The following DNM1 variants were observed in gnomAD, a reference collection of about 807,000 sequenced individuals.
DNM1 encodes dynamin 1.
DNM1 carries 29 observed loss-of-function variants against 104.6 expected under a neutral mutation model. The observed-to-expected ratio is 0.28, with a 90% CI of 0.21 to 0.38. The LOEUF (loss-of-function observed/expected upper bound fraction) is 0.38, where lower values mean the gene tolerates loss of function less well. DNM1 is among the 10% of genes least tolerant of loss of function. The pLI is 1.00. For missense variants in DNM1, 640 were observed against 1,189.4 expected, an observed-to-expected ratio of 0.54 and a Z score of 6.79; for synonymous variants, 445 against 475.8, an observed-to-expected ratio of 0.94 and a Z score of 0.84.
Position 128,254,303 on chromosome 9 carries a change from A to C in DNM1, c.2535-351A>C. 1 of 1,387,578 alleles carries C rather than the reference A, an allele frequency of 7.2e-7. No homozygotes were observed. Among genetic ancestry groups the C allele is most frequent in the Non-Finnish European group, 9.3e-7 (1 of 1,081,016 alleles). The allele number at this position is 1,387,578 out of a possible 1,614,324, so 86.0% of individuals were successfully genotyped here. A position where few individuals can be genotyped will look rare whatever the true frequency, so the allele number is the denominator to read the frequency against. On this transcript the variant is annotated intron_variant, in intron 21 of 21. Transcript: ENST00000372923. This position sits in a 1 kb window ranked among gnomAD's most constrained non-coding sequence, Gnocchi z 6.1. ...GGGTGGCCCCAGGCCAGTGGGTTGG[A>C]AGACAGGGTGACCAGAGAAGAGGGA...
At chr9:128,241,248 C>T (rs548321085) in intron 14 of DNM1, among the ~76,000 whole-genome samples, 1 of 152,242 alleles carries the variant, frequency 6.6e-6, no homozygotes, top group East Asian at 1.9e-4. Context: ...GGGAGGTCAG[C>T]GTCCAGGAGG....
In DNM1 at chr9:128,243,938, T is replaced by C. The variant is rs76196213; in HGVS notation, c.1671+1593T>C. On this transcript the variant is annotated intron_variant, in intron 15 of 21. Coordinates refer to ENST00000372923, the MANE Select transcript of DNM1 (RefSeq NM_004408.4). The surrounding 1 kb of genome is among the most constrained non-coding windows in gnomAD (Gnocchi z 4.0). Reference sequence around the variant, plus strand: ...GCTGTGGGTGCTGGGAGGCGGGGTGTGTTTGTGTGTGTGTGTGTGTGTGTG... The same window carrying C: ...GCTGTGGGTGCTGGGAGGCGGGGTGCGTTTGTGTGTGTGTGTGTGTGTGTG... Among the ~76,000 whole-genome samples the C allele has an allele frequency of 6.9e-6, 1 of 144,954 alleles. No homozygotes were observed. Among genetic ancestry groups the C allele is most frequent in the Non-Finnish European group, 1.5e-5 (1 of 66,282 alleles).
chr9:128,247,183 A>T lies in DNM1; in HGVS notation c.1782-192A>T, dbSNP rs995437502. 2.6e-5 allele frequency: 13 copies of T among 508,138 alleles called. No individual in the cohort carries two copies. The highest frequency in any genetic ancestry group is 2.5e-4 in the African/African-American group (13 of 52,402). 31.5% of individuals were successfully genotyped at this position (508,138 alleles called of 1,614,324 possible). A position where few individuals can be genotyped will look rare whatever the true frequency, so the allele number is the denominator to read the frequency against. ...TCACTGAATCCTCAGTGACCCAAGG[A>T]GGCAGGAATTATTATTAACCCATCT... On this transcript the variant is annotated intron_variant, in intron 16 of 21. Coordinates refer to ENST00000372923, the MANE Select transcript of DNM1 (RefSeq NM_004408.4). This position sits in a 1 kb window ranked among gnomAD's most constrained non-coding sequence, Gnocchi z 5.1.
Position 128,250,365 on chromosome 9 carries a change from G to A in DNM1, c.2318+9G>A. 1 of 1,567,806 alleles carries A rather than the reference G, an allele frequency of 6.4e-7. No individual in the cohort carries two copies. Among genetic ancestry groups the A allele is most frequent in the Non-Finnish European group, 8.6e-7 (1 of 1,158,730 alleles). ...GTACCGGCCGGACGCAGGTACCAGG[G>A]CCGGCCCCCACGGCCCCAAAGCCCC... is the stretch of plus-strand genomic sequence containing the variant. On this transcript the variant is annotated intron_variant, in intron 20 of 21. Transcript: ENST00000372923.
At position 128,222,889 on chromosome 9, in the gene DNM1, G is replaced by A; in HGVS notation, c.1196+29G>A. ...CGTATTGGGGCCTGGGAGGGTGGCT[G>A]AACCCCAGAAGTAGGGGGTCTGGGA... On this transcript the variant is annotated intron_variant, in intron 9 of 21. Coordinates refer to ENST00000372923, the MANE Select transcript of DNM1 (RefSeq NM_004408.4). The surrounding 1 kb of genome is among the most constrained non-coding windows in gnomAD (Gnocchi z 7.8). 3 of 1,609,464 alleles carry A rather than the reference G, an allele frequency of 1.9e-6. No individual in the cohort carries two copies. The highest frequency in any genetic ancestry group is 2.6e-6 in the Non-Finnish European group (3 of 1,176,274).
chr9:128,253,932 C>G lies in DNM1; in HGVS notation c.2535-722C>G. 3 of 1,232,954 alleles carry G rather than the reference C, an allele frequency of 2.4e-6. No individual in the cohort carries two copies. Among genetic ancestry groups the G allele is most frequent in the Non-Finnish European group, 3.0e-6 (3 of 988,678 alleles). 76.4% of individuals were successfully genotyped at this position (1,232,954 alleles called of 1,614,324 possible). A position where few individuals can be genotyped will look rare whatever the true frequency, so the allele number is the denominator to read the frequency against. ...CCAAGGGGACGACCGTGCCTGCTGGCCCAGCTGAGCTCCGCCCAGTGAGCC... is the reference window on the plus strand; with the variant it reads ...CCAAGGGGACGACCGTGCCTGCTGGGCCAGCTGAGCTCCGCCCAGTGAGCC... On this transcript the variant is annotated intron_variant, in intron 21 of 21. Transcript: ENST00000372923. The surrounding 1 kb of genome is among the most constrained non-coding windows in gnomAD (Gnocchi z 5.9).
Position 128,240,435 on chromosome 9 carries a change from G to A in DNM1, c.1557+439G>A, listed in dbSNP as rs80050751. The A allele has an allele frequency of 3.5e-3, 635 of 182,370 alleles. 2 individuals carry two copies. Among genetic ancestry groups the A allele is most frequent in the African/African-American group, 0.014 (609 of 42,016 alleles). The allele number at this position is 182,370 out of a possible 1,614,324, so 11.3% of individuals were successfully genotyped here. ...CTGCTCTCTGTCCTTAGATGTCTGC[G>A]GAAACATCCCTCGTCAGAAGCGCTT... On this transcript the variant is annotated intron_variant, in intron 14 of 21. Coordinates refer to ENST00000372923, the MANE Select transcript of DNM1 (RefSeq NM_004408.4). The surrounding 1 kb of genome is among the most constrained non-coding windows in gnomAD (Gnocchi z 5.1).
Position 128,254,558 on chromosome 9 carries a change from GGCGCGGCCGGCC to G in DNM1, c.2535-95_2535-84del, listed in dbSNP as rs1458716130. ...TCCCCGGCCCTCCCACCACTGCTGC[GGCGCGGCCGGCC>G]CCGGCCGTGTGCTGCGCTTGCCTTA... On this transcript the variant is annotated intron_variant, in intron 21 of 21. Coordinates refer to ENST00000372923, the MANE Select transcript of DNM1 (RefSeq NM_004408.4). This position sits in a 1 kb window ranked among gnomAD's most constrained non-coding sequence, Gnocchi z 6.1. 1.9e-6 allele frequency: 3 copies of G among 1,547,268 alleles called. No homozygotes were observed. In the African/African-American group the frequency reaches 4.1e-5, roughly 21 times the overall value.
At chr9:128,252,988 G>C in intron 21 of DNM1, 1 of 983,226 alleles carries the variant, frequency 1.0e-6, no homozygotes, top group Non-Finnish European at 1.6e-6. Context: ...GGGCCATGGG[G>C]CCTCACAGCA....
chr9:128,219,187 C>G lies in DNM1; in HGVS notation c.524C>G (p.Ser175Cys). 1 of 1,614,174 alleles carries G rather than the reference C, an allele frequency of 6.2e-7. No homozygotes were observed. The highest frequency in any genetic ancestry group is 8.5e-7 in the Non-Finnish European group (1 of 1,180,042). ...TKENCLILAV[S>C]PANSDLANSD... Reference sequence around the variant, plus strand: ...GAGAACTGCCTCATCCTGGCCGTGTCCCCCGCCAACTCTGACCTGGCCAAT... The same window carrying G: ...GAGAACTGCCTCATCCTGGCCGTGTGCCCCGCCAACTCTGACCTGGCCAAT... The change falls in exon 4 of 22, where the codon TCC becomes TGC. Residue 175 changes from serine (S) to cysteine (C), a missense_variant. By Grantham distance (112) the Ser-to-Cys change is moderately radical. Coordinates refer to ENST00000372923, the MANE Select transcript of DNM1 (RefSeq NM_004408.4).
chr9:128,227,608 C>A (rs1053757064), intron 10 of DNM1, among the ~76,000 whole-genome samples: 1 of 152,064 alleles, frequency 6.6e-6, no homozygotes, highest in African/African-American at 2.4e-5. Flanking sequence ...TCTTGAACTC[C>A]TGACCTCAGG....
At position 128,220,272 on chromosome 9, in the gene DNM1, C is replaced by G. The variant is rs749030612; in HGVS notation, c.780C>G (p.Leu260=). The G allele has an allele frequency of 1.9e-6, 3 of 1,614,122 alleles. No individual in the cohort carries two copies. Among genetic ancestry groups the G allele is most frequent in the Non-Finnish European group, 2.5e-6 (3 of 1,180,050 alleles). ...TGGCTGCTGAACGAAAGTTCTTCCT[C>G]TCCCATCCATCTTATCGCCACTTGG... ...AALAAERKFF[L]SHPSYRHLAD... Residue 260 remains leucine, a synonymous_variant, in exon 6 of 22, where the codon CTC becomes CTG. Transcript: ENST00000372923. This position sits in a 1 kb window ranked among gnomAD's most constrained non-coding sequence, Gnocchi z 5.2.
At chr9:128,233,615 C>T (rs565059237) in intron 10 of DNM1, 163 of 181,438 alleles carry the variant, frequency 9.0e-4, no homozygotes, top group Non-Finnish European at 1.5e-3. Context: ...TGTCCCTCCA[C>T]GCCTTTAGGA....
At chr9:128,251,249 A>C in intron 21 of DNM1, 3 of 561,710 alleles carry the variant, frequency 5.3e-6, no homozygotes, top group Non-Finnish European at 6.7e-6. Context: ...GGCCGCCCAC[A>C]CGTTGCATTC....
intron 1 of DNM1, among the ~76,000 whole-genome samples, chr9:128,207,963 G>T (rs1040814861): frequency 6.6e-6 from 1 of 152,046 alleles, no homozygotes; most frequent in Non-Finnish European, 1.5e-5. Flanking sequence ...CTGGGAGGAA[G>T]GGTTTTAGGT....
Position 128,248,553 on chromosome 9 carries a change from C to T in DNM1, c.1906-30C>T, listed in dbSNP as rs1348557118. On this transcript the variant is annotated intron_variant, in intron 18 of 21. Transcript: ENST00000372923. This position sits in a 1 kb window ranked among gnomAD's most constrained non-coding sequence, Gnocchi z 5.6. The stretch of plus-strand genomic sequence containing the variant: ...CTGGAGCCTGGCTGCATGGCCTGGC[C>T]ACCTGATGCCCTTGTGTTCTCCATG... The T allele has an allele frequency of 6.9e-6, 11 of 1,601,732 alleles. No individual in the cohort carries two copies. Among genetic ancestry groups the T allele is most frequent in the Middle Eastern group, 1.7e-4 (1 of 6,032 alleles).
intron 6 of DNM1, among the ~76,000 whole-genome samples, chr9:128,221,631 C>G (rs547498502): frequency 5.9e-5 from 9 of 152,266 alleles, no homozygotes; most frequent in Middle Eastern, 6.8e-3. Flanking sequence ...TATGGTGGTT[C>G]ATGCCTGTAA....
At position 128,219,338 on chromosome 9, in the gene DNM1, C is replaced by T; in HGVS notation, c.589+86C>T. On this transcript the variant is annotated intron_variant, in intron 4 of 21. Coordinates refer to ENST00000372923, the MANE Select transcript of DNM1 (RefSeq NM_004408.4). ...GTGTAAAGGGGAGCCTCTGAACGGT[C>T]TAAGAATAGCGGTGGGATCAGATTT... 5.0e-6 allele frequency: 6 copies of T among 1,203,132 alleles called. No individual in the cohort carries two copies. The South Asian group carries it at 7.5e-5, about 15-fold the overall frequency. 74.5% of individuals were successfully genotyped at this position (1,203,132 alleles called of 1,614,324 possible). A position where few individuals can be genotyped will look rare whatever the true frequency, so the allele number is the denominator to read the frequency against.
chr9:128,217,406 G>T (rs1017639606), intron 1 of DNM1, among the ~76,000 whole-genome samples: 23 of 152,104 alleles, frequency 1.5e-4, no homozygotes, highest in African/African-American at 4.6e-4. Context: ...AGAAGCATGA[G>T]TTTTTTTGTT....
Sources: gnomAD v4.1 joint callset for allele counts (sites outside exome capture counted in the v4.1 genomes callset) on GRCh38, gnomAD v4.1.1 for gene constraint, Gnocchi (gnomAD v3.1) non-coding constraint, MANE v1.5 for transcripts, NCBI Gene and HGNC (gene_info 2026-07-23, HGNC 2026-07-21) for gene names.